The following AFAP1L1 variants were observed in gnomAD, a reference collection of about 807,000 sequenced individuals.
AFAP1L1 encodes the protein actin filament associated protein 1 like 1.
A neutral mutation model predicts 99.8 loss-of-function variants in AFAP1L1; 77 were observed. The ratio of observed to expected loss-of-function variants is 0.77; its 90% CI spans 0.64 to 0.93. The LOEUF is 0.93. Among genes scored for constraint, AFAP1L1 ranks in the 40% least tolerant of loss-of-function variants. The probability of loss-of-function intolerance (pLI) is 0.00; values close to 1 mark genes in which losing one functional copy is unlikely to be tolerated. For synonymous variants in AFAP1L1, 373 were observed against 395.3 expected (o/e 0.94, Z 0.67); for missense variants, 893 against 996.8 (o/e 0.90, Z 1.40).
intron 15 of AFAP1L1, among the ~76,000 whole-genome samples, chr5:149,325,999 A>G (rs1240660959): frequency 1.3e-5 from 2 of 152,174 alleles, no homozygotes; most frequent in East Asian, 3.9e-4. Flanking sequence ...ACCACAGCAC[A>G]GGCCATTGTT....
chr5:149,339,151 G>T (rs114279198), intron 18 of AFAP1L1, among the ~76,000 whole-genome samples: 2,599 of 150,100 alleles, frequency 0.017, 80 homozygotes, highest in African/African-American at 0.057. Flanking sequence ...TGAAAATGAT[G>T]ATGAAAATGG....
At chr5:149,305,894 ACAC>A (rs1756393084) in intron 5 of AFAP1L1, among the ~76,000 whole-genome samples, 2 of 151,292 alleles carry the variant, frequency 1.3e-5, no homozygotes, top group Admixed American at 1.3e-4. Context: ...ACACACACAC[ACAC>A]ACACACACAC....
At chr5:149,293,591 G>A (rs866966589) in intron 1 of AFAP1L1, among the ~76,000 whole-genome samples, 8 of 152,298 alleles carry the variant, frequency 5.3e-5, no homozygotes, top group Middle Eastern at 6.8e-3. Context: ...TGTACTGATT[G>A]AAACACAGAC....
In AFAP1L1 at chr5:149,342,719, C is replaced by T. The variant is rs1757589531; in HGVS notation, c.*2689C>T. Among the ~76,000 whole-genome samples the T allele has an allele frequency of 6.6e-6, 1 of 152,192 alleles. No homozygotes were observed. The highest frequency in any genetic ancestry group is 2.1e-4 in the South Asian group (1 of 4,832). ...TTGAGGTCAGGAGTTCAAGACCAGC[C>T]TGGCCAACATGGCAAAACCCCATCT... On this transcript the variant is annotated 3_prime_UTR_variant, in exon 19 of 19. Transcript: ENST00000296721.
At chr5:149,273,326 G>A (rs1180643965) in intron 1 of AFAP1L1, among the ~76,000 whole-genome samples, 1 of 151,778 alleles carries the variant, frequency 6.6e-6, no homozygotes, top group Non-Finnish European at 1.5e-5. Flanking sequence ...CCGAAGGGAG[G>A]AAAAAAAGAA....
intron 1 of AFAP1L1, among the ~76,000 whole-genome samples, chr5:149,275,925 A>G (rs935045499): frequency 2.6e-5 from 4 of 152,230 alleles, no homozygotes; most frequent in African/African-American, 9.6e-5. Context: ...ACTTGGGGTT[A>G]GGGCTTCAAC....
Position 149,320,088 on chromosome 5 carries a change from C to CG in AFAP1L1, c.1626-303_1626-302insG, listed in dbSNP as rs1424206998. On this transcript the variant is annotated intron_variant, in intron 13 of 18. Transcript: ENST00000296721. This position sits in a 1 kb window ranked among gnomAD's most constrained non-coding sequence, Gnocchi z 4.0. ...GAAGAGCCAAGTTCGAGTCCCAGCT[C>CG]AGTCACCACCAGCAGTGGAAGCTTG... Among the ~76,000 whole-genome samples, 1 of 152,212 alleles carries CG rather than the reference C, an allele frequency of 6.6e-6. No homozygotes were observed. Among genetic ancestry groups the CG allele is most frequent in the Non-Finnish European group, 1.5e-5 (1 of 68,036 alleles).
At chr5:149,329,587 G>C (rs1157818557) in intron 15 of AFAP1L1, 79 bp from the exon 16 acceptor site, 1 of 1,411,584 alleles carries the variant, frequency 7.1e-7, no homozygotes, top group Non-Finnish European at 9.5e-7. Flanking sequence ...AGTTGGGGCT[G>C]AAAGAGAAGC....
At chr5:149,287,861 C>T (rs1441031422) in intron 1 of AFAP1L1, among the ~76,000 whole-genome samples, 1 of 151,508 alleles carries the variant, frequency 6.6e-6, no homozygotes, top group Non-Finnish European at 1.5e-5. Context: ...GGATTACAGG[C>T]GTGAGCCACC....
chr5:149,278,475 C>T (rs886977686), intron 1 of AFAP1L1, among the ~76,000 whole-genome samples: 12 of 148,870 alleles, frequency 8.1e-5, no homozygotes, highest in African/African-American at 3.1e-4. Context: ...TCCTAATTTG[C>T]AGAGATGTGA....
At chr5:149,279,413 C>G (rs116274810) in intron 1 of AFAP1L1, among the ~76,000 whole-genome samples, 1 of 152,236 alleles carries the variant, frequency 6.6e-6, no homozygotes, top group Non-Finnish European at 1.5e-5. Flanking sequence ...ATTCAAGAAG[C>G]TTTCGCAGCT....
At chr5:149,329,916 C>T (rs1202593575) in intron 16 of AFAP1L1, 86 bp downstream of exon 16, 2 of 1,258,504 alleles carry the variant, frequency 1.6e-6, no homozygotes, top group African/African-American at 3.1e-5. Flanking sequence ...GCACAAGTCA[C>T]CTGGTTTCTT....
intron 12 of AFAP1L1, among the ~76,000 whole-genome samples, chr5:149,318,976 G>C (rs1756875205): frequency 6.6e-6 from 1 of 152,156 alleles, no homozygotes; most frequent in South Asian, 2.1e-4. Flanking sequence ...ATTTTTGGTA[G>C]TTTGAGATAG....
At chr5:149,301,872 G>A (rs1028504997) in intron 4 of AFAP1L1, among the ~76,000 whole-genome samples, 3 of 152,262 alleles carry the variant, frequency 2.0e-5, no homozygotes, top group African/African-American at 7.2e-5. Flanking sequence ...GACAGCAACT[G>A]AATGAGGCTG....
chr5:149,288,608 T>C (rs1755755069), intron 1 of AFAP1L1, among the ~76,000 whole-genome samples: 1 of 152,006 alleles, frequency 6.6e-6, no homozygotes, highest in African/African-American at 2.4e-5. Flanking sequence ...GTGTCACAGT[T>C]TTCCACTTCC....
chr5:149,282,540 T>C (rs1755552189), intron 1 of AFAP1L1, among the ~76,000 whole-genome samples: 1 of 152,208 alleles, frequency 6.6e-6, no homozygotes, highest in South Asian at 2.1e-4. Context: ...CCAGCAGACC[T>C]CAATCCAAGG....
chr5:149,305,987 A>G (rs775900204), intron 5 of AFAP1L1, among the ~76,000 whole-genome samples: 1 of 152,136 alleles, frequency 6.6e-6, no homozygotes, highest in African/African-American at 2.4e-5. Flanking sequence ...TGAGAAAGTC[A>G]GAGGAAAGAT....
At chr5:149,273,413 T>C (rs1755201463) in intron 1 of AFAP1L1, among the ~76,000 whole-genome samples, 1 of 151,894 alleles carries the variant, frequency 6.6e-6, no homozygotes, top group South Asian at 2.1e-4. Flanking sequence ...TAACCTCCCT[T>C]ACTCCTGTTA....
At chr5:149,332,404 A>G (rs1357242393) in intron 16 of AFAP1L1, among the ~76,000 whole-genome samples, 3 of 152,164 alleles carry the variant, frequency 2.0e-5, no homozygotes, top group Non-Finnish European at 4.4e-5. Context: ...TCAAAAAAAA[A>G]AGACAGAATG....
Sources: allele counts gnomAD v4.1 joint callset (sites outside exome capture counted in the v4.1 genomes callset), GRCh38; gene constraint gnomAD v4.1.1; non-coding constraint Gnocchi (gnomAD v3.1); transcripts MANE v1.5; gene names NCBI Gene and HGNC (gene_info 2026-07-23, HGNC 2026-07-21).